Variants in FHIP2A observed in about 807,000 individuals in gnomAD.
FHIP2A encodes family with sequence similarity 160 member B1.
In FHIP2A, 46 loss-of-function variants were observed where a neutral mutation model predicts 93.5. The ratio of observed to expected loss-of-function variants is 0.49; its 90% CI spans 0.39 to 0.63. The LOEUF (loss-of-function observed/expected upper bound fraction) is 0.63. Among genes scored for constraint, FHIP2A ranks in the 20% least tolerant of loss-of-function variants. The pLI is 0.00. For missense variants in FHIP2A, 769 were observed against 909.7 expected (o/e 0.85, Z 1.99); for synonymous variants, 332 against 326.5 (o/e 1.02, Z -0.18).
intron 8 of FHIP2A, 98 bp from the exon 9 acceptor site, chr10:114,845,915 A>C: frequency 1.1e-6 from 1 of 927,190 alleles, no homozygotes. Context: ...TTGTCTTTCC[A>C]CATTAATTCA....
chr10:114,872,589 C>T (rs1484194433), intron 16 of FHIP2A, among the ~76,000 whole-genome samples: 1 of 152,144 alleles, frequency 6.6e-6, no homozygotes, highest in African/African-American at 2.4e-5. Context: ...TCATCCTACT[C>T]CAATGCTTTG....
At chr10:114,827,911 A>C (rs1320237087) in intron 1 of FHIP2A, among the ~76,000 whole-genome samples, 1 of 152,140 alleles carries the variant, frequency 6.6e-6, no homozygotes, top group Admixed American at 6.6e-5. Context: ...TTTCATGTCA[A>C]CTTGGGGTTG....
chr10:114,870,238 A>G (rs2083850470), intron 16 of FHIP2A, among the ~76,000 whole-genome samples: 1 of 152,340 alleles, frequency 6.6e-6, no homozygotes, highest in East Asian at 1.9e-4. Flanking sequence ...AGGTTAAGAA[A>G]GATGTTGGAT....
intron 3 of FHIP2A, 29 bp downstream of exon 3, chr10:114,833,431 G>T (rs1388432167): frequency 6.3e-7 from 1 of 1,594,968 alleles, no homozygotes; most frequent in Admixed American, 1.7e-5. Context: ...CCATGTTCTT[G>T]GGCATTAGTA....
intron 16 of FHIP2A, among the ~76,000 whole-genome samples, chr10:114,888,690 C>A (rs375787841): frequency 5.2e-4 from 79 of 152,224 alleles, no homozygotes; most frequent in African/African-American, 1.6e-3. Flanking sequence ...GCAAACTCCG[C>A]CTCCCAGATT....
rs2083802029 is a variant in FHIP2A, at chr10:114,861,855, CTTTGATGATA to C, written c.*319_*328del. 5.9e-6 allele frequency: 6 copies of C among 1,016,168 alleles called. No homozygotes were observed. Among genetic ancestry groups the C allele is most frequent in the South Asian group, 4.3e-5 (1 of 23,480 alleles). 62.9% of individuals were successfully genotyped at this position (1,016,168 alleles called of 1,614,324 possible). A position where few individuals can be genotyped will look rare whatever the true frequency, so the allele number is the denominator to read the frequency against. On this transcript the variant is annotated 3_prime_UTR_variant, in exon 17 of 17. Coordinates refer to ENST00000369248, the MANE Select transcript of FHIP2A (RefSeq NM_020940.4). ...AGCTGCAATATTTCCAATGTCATGACTTTGATGATATTTCTGTTATATTAATGTCCTTTTA... is the reference window on the plus strand; with the variant it reads ...AGCTGCAATATTTCCAATGTCATGACTTTCTGTTATATTAATGTCCTTTTA...
At chr10:114,838,306 G>A (rs183692011) in intron 5 of FHIP2A, among the ~76,000 whole-genome samples, 2 of 152,250 alleles carry the variant, frequency 1.3e-5, no homozygotes, top group Non-Finnish European at 2.9e-5. Context: ...TAGGTAAGCA[G>A]TTAAGCTGTA....
intron 16 of FHIP2A, among the ~76,000 whole-genome samples, chr10:114,895,851 A>C (rs561146310): frequency 9.2e-5 from 14 of 152,342 alleles, no homozygotes; most frequent in Middle Eastern, 3.4e-3. Context: ...TCTTGGTAGC[A>C]CATGATGTAA....
At chr10:114,889,930 T>A (rs991057216) in intron 16 of FHIP2A, among the ~76,000 whole-genome samples, 3 of 152,250 alleles carry the variant, frequency 2.0e-5, no homozygotes, top group Non-Finnish European at 4.4e-5. Flanking sequence ...GTGTTGGCCA[T>A]TGCTTTGCCA....
At chr10:114,835,666 T>C (rs1180583064) in intron 4 of FHIP2A, 25 bp downstream of exon 4, 2 of 1,309,502 alleles carry the variant, frequency 1.5e-6, no homozygotes, top group African/African-American at 1.5e-5. Flanking sequence ...CTACATAAAA[T>C]CATTTTGTTT....
chr10:114,876,099 C>G (rs1410752149), intron 16 of FHIP2A, among the ~76,000 whole-genome samples: 4 of 152,142 alleles, frequency 2.6e-5, no homozygotes, highest in African/African-American at 9.7e-5. Context: ...GGGCCCCCAC[C>G]CTCCCGCTCA....
At chr10:114,877,372 G>A (rs1427997001) in intron 16 of FHIP2A, among the ~76,000 whole-genome samples, 4 of 151,968 alleles carry the variant, frequency 2.6e-5, no homozygotes, top group Non-Finnish European at 4.4e-5. Flanking sequence ...CAGAAATCCC[G>A]CAAAATATGG....
At position 114,847,208 on chromosome 10, in the gene FHIP2A, A is replaced by G; in HGVS notation, c.1687A>G (p.Thr563Ala). 1.2e-6 allele frequency: 2 copies of G among 1,612,058 alleles called. No homozygotes were observed. The highest frequency in any genetic ancestry group is 8.5e-7 in the Non-Finnish European group (1 of 1,179,456). Residue 563 changes from threonine (T) to alanine (A), a missense_variant, in exon 12 of 17, where the codon ACT becomes GCT. Coordinates refer to ENST00000369248, the MANE Select transcript of FHIP2A (RefSeq NM_020940.4). ...TPDHPKNDGK[T>A]EVHKIVNSFL... ...AGACCACCCCAAAAATGATGGAAAA[A>G]CTGAAGTTCATAAAATTGTAAATAG...
chr10:114,860,648 G>A (rs2083792227), intron 14 of FHIP2A, 101 bp from the exon 15 acceptor site: 1 of 1,002,450 alleles, frequency 1.0e-6, no homozygotes, highest in Non-Finnish European at 1.5e-6. Context: ...CACTGGGCCT[G>A]GCCAGATTCT....
rs546763945 is a variant in FHIP2A, at chr10:114,821,821, A to G, written c.-258A>G. 2.9e-3 allele frequency: 613 copies of G among 212,978 alleles called. 5 individuals carry two copies. Among genetic ancestry groups the G allele is most frequent in the African/African-American group, 0.013 (545 of 42,976 alleles). The allele number at this position is 212,978 out of a possible 1,614,324, so 13.2% of individuals were successfully genotyped here. A position where few individuals can be genotyped will look rare whatever the true frequency, so the allele number is the denominator to read the frequency against. On this transcript the variant is annotated 5_prime_UTR_variant, in exon 1 of 17. Coordinates refer to ENST00000369248, the MANE Select transcript of FHIP2A (RefSeq NM_020940.4). ...GTGTCCCAACCGGTGCCGCCGCCGGAGCTTCTCCGGGCCCCGAGTCCTCGC... is the reference window on the plus strand; with the variant it reads ...GTGTCCCAACCGGTGCCGCCGCCGGGGCTTCTCCGGGCCCCGAGTCCTCGC...
chr10:114,852,033 G>A (rs897237236), intron 13 of FHIP2A, among the ~76,000 whole-genome samples: 2 of 151,914 alleles, frequency 1.3e-5, no homozygotes, highest in Admixed American at 6.6e-5. Context: ...TGTGTATTGA[G>A]CGTCTATCCT....
rs779364274 is a variant in FHIP2A, at chr10:114,861,293, A to G, written c.2151A>G (p.Leu717=). ...AAGACTTTACTCCCAAGCTTCTGTT[A>G]GTCAGAAAGCGGTTACTTGGTTTGG... ...RIQDFTPKLL[L]VRKRLLGLEP... The change falls in exon 16 of 17, where the codon TTA becomes TTG. Residue 717 remains leucine (L), a synonymous_variant. Transcript: ENST00000369248. 1 of 1,614,190 alleles carries G rather than the reference A, an allele frequency of 6.2e-7. No individual in the cohort carries two copies. Among genetic ancestry groups the G allele is most frequent in the South Asian group, 1.1e-5 (1 of 91,084 alleles).
chr10:114,828,358 T>A (rs1389002456), intron 1 of FHIP2A, among the ~76,000 whole-genome samples: 1 of 152,214 alleles, frequency 6.6e-6, no homozygotes, highest in Admixed American at 6.5e-5. Flanking sequence ...TGAAATACAG[T>A]TAAATCCCAC....
rs1279468095 is a variant in FHIP2A, at chr10:114,862,663, G to A, written c.*1123G>A. ...GGAACCTGTAGTTCAGCAAAGCTGC[G>A]CTGGGCACAGCATGCTTGTACTTGA... is the stretch of plus-strand genomic sequence containing the variant. On this transcript the variant is annotated 3_prime_UTR_variant, in exon 17 of 17. Coordinates refer to ENST00000369248, the MANE Select transcript of FHIP2A (RefSeq NM_020940.4). The A allele has an allele frequency of 2.4e-5, 24 of 985,566 alleles. No individual in the cohort carries two copies. The highest frequency in any genetic ancestry group is 6.1e-5 in the Admixed American group (1 of 16,268). 61.1% of individuals were successfully genotyped at this position (985,566 alleles called of 1,614,324 possible). A position where few individuals can be genotyped will look rare whatever the true frequency, so the allele number is the denominator to read the frequency against.
Sources: allele counts gnomAD v4.1 joint callset (sites outside exome capture counted in the v4.1 genomes callset), GRCh38; gene constraint gnomAD v4.1.1; transcripts MANE v1.5; gene names NCBI Gene and HGNC (gene_info 2026-07-23, HGNC 2026-07-21).